SLC29A4: variants seen among roughly 807,000 people sequenced by gnomAD.
SLC29A4 encodes the protein equilibrative nucleoside transporter 4.
A neutral mutation model predicts 43.9 loss-of-function variants in SLC29A4; 36 were observed. That is an observed-to-expected ratio of 0.82 (90% confidence interval 0.63 to 1.08). The LOEUF (loss-of-function observed/expected upper bound fraction) is 1.08, where lower values mean the gene tolerates loss of function less well. SLC29A4 is among the 50% of genes least tolerant of loss of function. SLC29A4 has a pLI of 0.00. For missense variants in SLC29A4, 869 were observed against 755.3 expected (o/e 1.15, Z -1.77); for synonymous variants, 491 against 338.0 (o/e 1.45, Z -4.97).
At position 5,295,058 on chromosome 7, in the gene SLC29A4, C is replaced by T. The variant is rs191966018; in HGVS notation, c.619+124C>T. ...GGGAGGCTCACAATCCCTGGGCAGA[C>T]TGAGCTAGGGACAGTGATCACCATC... On this transcript the variant is annotated intron_variant, in intron 6 of 10. Transcript: ENST00000396872. 13 of 850,188 alleles carry T rather than the reference C, an allele frequency of 1.5e-5. No homozygotes were observed. In the African/African-American group the frequency reaches 1.7e-4, roughly 11 times the overall value. The allele number at this position is 850,188 out of a possible 1,614,324, so 52.7% of individuals were successfully genotyped here.
chr7:5,299,215 C>G (rs35644059), intron 8 of SLC29A4, 25 bp from the exon 9 acceptor site: 18 of 1,603,488 alleles, frequency 1.1e-5, no homozygotes, highest in African/African-American at 1.3e-5. Flanking sequence ...GGCGCTGCCT[C>G]TGACCCCCGC....
intron 1 of SLC29A4, among the ~76,000 whole-genome samples, chr7:5,284,307 C>T (rs905387446): frequency 6.6e-6 from 1 of 152,114 alleles, no homozygotes; most frequent in Non-Finnish European, 1.5e-5. Flanking sequence ...GCAGCTTGTG[C>T]AACTGTTGAA....
intron 9 of SLC29A4, 34 bp from the exon 10 acceptor site, chr7:5,300,388 G>A (rs760135920): frequency 8.7e-6 from 14 of 1,609,324 alleles, no homozygotes; most frequent in East Asian, 4.5e-5. Flanking sequence ...GGCTGTGGCC[G>A]GGACAGGGCG....
intron 9 of SLC29A4, 21 bp downstream of exon 9, chr7:5,299,448 G>C (rs1470044354): frequency 6.2e-7 from 1 of 1,601,764 alleles, no homozygotes; most frequent in Non-Finnish European, 8.5e-7. Context: ...TGCCCTGCCC[G>C]GTGTCGGGGG....
At chr7:5,292,671 C>T (rs111943014) in intron 5 of SLC29A4, among the ~76,000 whole-genome samples, 6,078 of 139,206 alleles carry the variant, frequency 0.044, 462 homozygotes, top group African/African-American at 0.15. Context: ...TATTTTCTAC[C>T]AGCCAAGACA....
intron 5 of SLC29A4, among the ~76,000 whole-genome samples, chr7:5,293,130 A>G (rs79230487): frequency 0.2 from 29,914 of 147,494 alleles, 3,242 homozygotes; most frequent in Middle Eastern, 0.32. Flanking sequence ...GCAAGGGTCC[A>G]GGCCAGGCTT....
chr7:5,292,178 A>T (rs1785353204), intron 5 of SLC29A4, among the ~76,000 whole-genome samples: 1 of 151,976 alleles, frequency 6.6e-6, no homozygotes, highest in African/African-American at 2.4e-5. Context: ...TGGCATGATC[A>T]TAGCTCACTG....
At chr7:5,283,610 G>T (rs1434105097) in intron 1 of SLC29A4, among the ~76,000 whole-genome samples, 1 of 152,154 alleles carries the variant, frequency 6.6e-6, no homozygotes, top group Non-Finnish European at 1.5e-5. Context: ...GGGCCCGGGG[G>T]GCCAGCCTGT....
intron 5 of SLC29A4, among the ~76,000 whole-genome samples, chr7:5,292,412 C>A (rs1313391532): frequency 6.6e-6 from 1 of 152,106 alleles, no homozygotes; most frequent in Non-Finnish European, 1.5e-5. Flanking sequence ...TCGTGCCTGG[C>A]CTTTCAAACT....
At chr7:5,285,686 G>A (rs1035727086) in intron 1 of SLC29A4, among the ~76,000 whole-genome samples, 2 of 152,206 alleles carry the variant, frequency 1.3e-5, no homozygotes, top group African/African-American at 4.8e-5. Flanking sequence ...TGGGACAAGA[G>A]CAGGCAGAGG....
chr7:5,300,625 G>A lies in SLC29A4; in HGVS notation c.1413G>A (p.Ala471=), dbSNP rs763053735. Residue 471 remains alanine, a synonymous_variant, in exon 10 of 11, where the codon GCG becomes GCA. Coordinates refer to ENST00000396872, the MANE Select transcript of SLC29A4 (RefSeq NM_153247.4). ...GYFGSVPMIL[A]AGKVSPKQRE... ...TCGGCAGCGTGCCCATGATCCTGGC[G>A]GCAGGCAAAGTGAGCCCCAAGCAGC... The A allele has an allele frequency of 2.2e-5, 36 of 1,609,958 alleles. No individual in the cohort carries two copies. The highest frequency in any genetic ancestry group is 6.7e-5 in the East Asian group (3 of 44,844).
intron 1 of SLC29A4, among the ~76,000 whole-genome samples, chr7:5,285,274 C>T (rs952259905): frequency 6.6e-6 from 1 of 151,938 alleles, no homozygotes; most frequent in African/African-American, 2.4e-5. Context: ...CACCCCACCC[C>T]CAACCCCCCA....
intron 5 of SLC29A4, 135 bp from the exon 6 acceptor site, chr7:5,294,725 C>G: frequency 1.1e-6 from 1 of 872,438 alleles, no homozygotes; most frequent in East Asian, 2.5e-5. Flanking sequence ...TGCTGCGTGT[C>G]AAATCTCTCT....
At chr7:5,288,050 G>C (rs1026876042) in intron 2 of SLC29A4, 65 bp downstream of exon 2, 29 of 1,509,028 alleles carry the variant, frequency 1.9e-5, no homozygotes, top group Non-Finnish European at 2.5e-5. Flanking sequence ...GTGACCCCCA[G>C]TGAAGCCTTG....
intron 7 of SLC29A4, 101 bp from the exon 8 acceptor site, chr7:5,298,887 G>A (rs747128610): frequency 3.2e-5 from 43 of 1,341,420 alleles, no homozygotes; most frequent in African/African-American, 1.6e-4. Flanking sequence ...GAATGTCAGC[G>A]CCAGCCCCAG....
chr7:5,289,119 C>T (rs764940397), intron 2 of SLC29A4, among the ~76,000 whole-genome samples: 5 of 152,104 alleles, frequency 3.3e-5, no homozygotes, highest in Non-Finnish European at 7.4e-5. Flanking sequence ...GGCTAAGGCT[C>T]GGCACGGTGG....
chr7:5,289,453 A>G (rs1243949160), intron 2 of SLC29A4, among the ~76,000 whole-genome samples: 1 of 152,126 alleles, frequency 6.6e-6, no homozygotes, highest in Non-Finnish European at 1.5e-5. Flanking sequence ...CCAGGCAGGC[A>G]GTCAGGAAGG....
At chr7:5,300,358 CG>C in intron 9 of SLC29A4, 63 bp from the exon 10 acceptor site, 1 of 1,593,890 alleles carries the variant, frequency 6.3e-7, no homozygotes, top group Non-Finnish European at 8.5e-7. Context: ...TAGAGGCTGT[CG>C]GGGGTGTGAG....
intron 4 of SLC29A4, among the ~76,000 whole-genome samples, 191 bp downstream of exon 4, chr7:5,291,428 C>T (rs1041329984): frequency 1.9e-4 from 29 of 152,262 alleles, no homozygotes; most frequent in African/African-American, 6.3e-4. Context: ...GTCCCTGGGC[C>T]TTGCCCAAGC....
Sources: allele counts gnomAD v4.1 joint callset (sites outside exome capture counted in the v4.1 genomes callset), GRCh38; gene constraint gnomAD v4.1.1; transcripts MANE v1.5; gene names NCBI Gene and HGNC (gene_info 2026-07-23, HGNC 2026-07-21).